Variants in HORMAD2 observed in about 807,000 individuals in gnomAD.
HORMAD2 encodes the protein HORMA domain-containing protein 2.
HORMAD2 carries 45 observed loss-of-function variants against 38.8 expected under a neutral mutation model. The observed-to-expected ratio is 1.16, with a 90% CI of 0.91 to 1.49. HORMAD2 has a LOEUF of 1.49. HORMAD2 is among the 40% of genes most tolerant of loss of function. The pLI is 0.00. For synonymous variants in HORMAD2, 126 were observed against 122.8 expected, an observed-to-expected ratio of 1.03 and a Z score of -0.17; for missense variants, 338 against 367.0, an observed-to-expected ratio of 0.92 and a Z score of 0.65.
intron 10 of HORMAD2, among the ~76,000 whole-genome samples, chr22:30,127,199 C>CTTTTTTTT (rs757608874): frequency 3.8e-5 from 3 of 79,804 alleles, no homozygotes; most frequent in African/African-American, 9.7e-5. Flanking sequence ...AACAGAAGTT[C>CTTTTTTTT]TTTTTTTTTT....
intron 2 of HORMAD2, among the ~76,000 whole-genome samples, chr22:30,095,684 G>T (rs1182154779): frequency 6.6e-6 from 1 of 152,144 alleles, no homozygotes; most frequent in Non-Finnish European, 1.5e-5. Context: ...AAGATTAAAT[G>T]CATATTTGGA....
Position 30,111,817 on chromosome 22 carries a change from G to C in HORMAD2, c.315+1G>C. 6.4e-7 allele frequency: 1 copy of C among 1,570,590 alleles called. No homozygotes were observed. The highest frequency in any genetic ancestry group is 1.2e-5 in the South Asian group (1 of 84,412). On this transcript the variant is annotated splice_donor_variant, in intron 6 of 10. Coordinates refer to ENST00000336726, the MANE Select transcript of HORMAD2 (RefSeq NM_152510.4). LOFTEE classifies it high-confidence loss of function. ...GAAGCTACGTATGGCAGTACTGACA[G>C]TAAGTACACACTCATTTAAAGACCA...
At chr22:30,195,914 T>C in the HORMAD2 span, among the ~76,000 whole-genome samples, 1 of 152,172 alleles carries the variant, frequency 6.6e-6, no homozygotes, top group African/African-American at 2.4e-5. Flanking sequence ...GGAGAACTGT[T>C]TGAGCCTTGT....
At chr22:30,138,431 A>C (rs1016952684) in intron 10 of HORMAD2, among the ~76,000 whole-genome samples, 7 of 152,070 alleles carry the variant, frequency 4.6e-5, no homozygotes, top group African/African-American at 1.7e-4. Flanking sequence ...GCCCCCTAAA[A>C]TGCAAGAATT....
At chr22:30,196,137 C>T in the HORMAD2 span, among the ~76,000 whole-genome samples, 2 of 152,216 alleles carry the variant, frequency 1.3e-5, no homozygotes, top group African/African-American at 4.8e-5. Context: ...AATCCAAAGG[C>T]ACTTCAACTT....
chr22:30,142,259 G>C (rs1924133506), intron 10 of HORMAD2, among the ~76,000 whole-genome samples: 1 of 152,142 alleles, frequency 6.6e-6, no homozygotes, highest in Non-Finnish European at 1.5e-5. Flanking sequence ...AGCCTGAGCA[G>C]CAGAGTGAGA....
chr22:30,199,423 T>G, the HORMAD2 span, among the ~76,000 whole-genome samples: 4 of 152,202 alleles, frequency 2.6e-5, no homozygotes, highest in Admixed American at 2.0e-4. Context: ...CTGCTAATGA[T>G]AAATGGTGAA....
At chr22:30,087,886 G>C (rs958874287) in intron 1 of HORMAD2, among the ~76,000 whole-genome samples, 4 of 152,044 alleles carry the variant, frequency 2.6e-5, no homozygotes, top group African/African-American at 7.2e-5. Context: ...CCAGCTGCTA[G>C]GTAACTGAGT....
At chr22:30,118,790 T>C (rs1176121111) in intron 7 of HORMAD2, among the ~76,000 whole-genome samples, 190 bp from the exon 8 acceptor site, 1 of 152,218 alleles carries the variant, frequency 6.6e-6, no homozygotes, top group Non-Finnish European at 1.5e-5. Flanking sequence ...ATTTTTAGCA[T>C]GGAGGAGAAA....
chr22:30,167,901 A>G (rs1925881432), intron 10 of HORMAD2, among the ~76,000 whole-genome samples: 1 of 152,178 alleles, frequency 6.6e-6, no homozygotes, highest in African/African-American at 2.4e-5. Flanking sequence ...TGTGTGAACT[A>G]GATAAGTCAT....
chr22:30,194,563 T>C, the HORMAD2 span, among the ~76,000 whole-genome samples: 1 of 152,216 alleles, frequency 6.6e-6, no homozygotes, highest in Non-Finnish European at 1.5e-5. Context: ...GGCTTCTCCC[T>C]ATCACTGCAC....
chr22:30,097,517 G>A (rs1469803544), intron 2 of HORMAD2, among the ~76,000 whole-genome samples: 1 of 152,106 alleles, frequency 6.6e-6, no homozygotes, highest in African/African-American at 2.4e-5. Flanking sequence ...CAGAAGCTTT[G>A]TGTTCCTCAG....
intron 5 of HORMAD2, 102 bp downstream of exon 5, chr22:30,104,539 G>A (rs1921045105): frequency 1.1e-6 from 1 of 933,374 alleles, no homozygotes; most frequent in Admixed American, 2.4e-5. Flanking sequence ...AACAGTATAA[G>A]TGTCTACGTT....
At chr22:30,122,804 A>T (rs567045773) in intron 10 of HORMAD2, among the ~76,000 whole-genome samples, 2 of 152,198 alleles carry the variant, frequency 1.3e-5, no homozygotes, top group Middle Eastern at 3.4e-3. Context: ...AGAGACTTGG[A>T]GTTAGATTCT....
intron 10 of HORMAD2, among the ~76,000 whole-genome samples, chr22:30,170,260 C>T (rs5763840): frequency 6.6e-6 from 1 of 152,174 alleles, no homozygotes; most frequent in South Asian, 2.1e-4. Flanking sequence ...GCAAAATTCA[C>T]TACACTCACC....
At chr22:30,166,103 C>T (rs1925764330) in intron 10 of HORMAD2, among the ~76,000 whole-genome samples, 1 of 151,570 alleles carries the variant, frequency 6.6e-6, no homozygotes. Flanking sequence ...TTAGAATCAG[C>T]CTAACAAGTT....
chr22:30,180,873 C>CTTCCCTTTCCCTTTCCCT (rs139156438), downstream of HORMAD2, among the ~76,000 whole-genome samples: 2 of 122,634 alleles, frequency 1.6e-5, no homozygotes, highest in African/African-American at 8.8e-5. Flanking sequence ...CCCTTCTTCC[C>CTTCCCTTTCCCTTTCCCT]TTCCCTTTCC....
At chr22:30,090,856 T>C (rs1456432905) in intron 1 of HORMAD2, among the ~76,000 whole-genome samples, 1 of 152,254 alleles carries the variant, frequency 6.6e-6, no homozygotes, top group Non-Finnish European at 1.5e-5. Context: ...TTTATCATTC[T>C]TTGTGTTGAA....
At chr22:30,189,071 C>G in the HORMAD2 span, among the ~76,000 whole-genome samples, 56 of 150,016 alleles carry the variant, frequency 3.7e-4, no homozygotes, top group African/African-American at 1.2e-3. Flanking sequence ...GAGCTGTGAT[C>G]ATGCCTGAGT....
Sources: gnomAD v4.1 joint callset for allele counts (sites outside exome capture counted in the v4.1 genomes callset) on GRCh38, gnomAD v4.1.1 for gene constraint, MANE v1.5 for transcripts, NCBI Gene and HGNC (gene_info 2026-07-23, HGNC 2026-07-21) for gene names.